The following MYO15A variants were observed in gnomAD, a reference collection of about 807,000 sequenced individuals.
MYO15A encodes the protein myosin XVA, also known as unconventional myosin-XV.
A neutral mutation model predicts 394.6 loss-of-function variants in MYO15A; 308 were observed. The observed-to-expected ratio is 0.78, with a 90% CI of 0.71 to 0.86. MYO15A has a LOEUF of 0.86. Ranked by LOEUF, MYO15A falls within the 40% of genes least tolerant of loss-of-function variation. MYO15A has a pLI of 0.00. For synonymous variants in MYO15A, 1,957 were observed against 2,003.8 expected (o/e 0.98, Z 0.62); for missense variants, 4,606 against 4,799.1 (o/e 0.96, Z 1.19).
chr17:18,158,935 A>T lies in MYO15A; in HGVS notation c.9094A>T (p.Arg3032Trp). 6.2e-7 allele frequency: 1 copy of T among 1,614,172 alleles called. No homozygotes were observed. The highest frequency in any genetic ancestry group is 1.6e-4 in the Middle Eastern group (1 of 6,062). The stretch of plus-strand genomic sequence containing the variant: ...CACCTCCCACTGCAGGGATGGCCTC[A>T]GGCTGAAATCCAAGGAGCCTCGGGA... ...DPQRRPQDGL[R>W]LKSKEPRESR... Residue 3032 changes from arginine (R) to tryptophan (W), a missense_variant, in exon 53 of 66, where the codon AGG becomes TGG. Physicochemically the swap from Arg to Trp is moderately radical, Grantham distance 101 (BLOSUM62 -3). Coordinates refer to ENST00000647165, the MANE Select transcript of MYO15A (RefSeq NM_016239.4).
In MYO15A at chr17:18,126,367, G is replaced by C. The variant is rs746551992; in HGVS notation, c.3777G>C (p.Leu1259=). The change falls in exon 5 of 66, where the codon CTG becomes CTC. Residue 1259 remains leucine, a synonymous_variant. Transcript: ENST00000647165. ...NLIYTYIGSI[L]VSVNPYQMFG... ...AGCAGACATACATTGGGAGCATCCT[G>C]GTGTCGGTGAACCCATACCAAATGT... The C allele has an allele frequency of 5.0e-6, 8 of 1,613,980 alleles. 1 individual carries two copies. The highest frequency in any genetic ancestry group is 4.4e-5 in the South Asian group (4 of 91,072).
chr17:18,144,550 G>T lies in MYO15A; in HGVS notation c.6231G>T (p.Leu2077=), dbSNP rs918988624. The change falls in exon 29 of 66, where the codon CTG becomes CTT. Residue 2077 remains leucine, a synonymous_variant. Transcript: ENST00000647165. ...CCCTGAGGACACCCCTCACGCAGCT[G>T]CCAGCCGAGCACCATGCAGAAGCCG... is the stretch of plus-strand genomic sequence containing the variant. ...TVPLRTPLTQ[L]PAEHHAEAVS... is the part of the protein sequence containing the mutation. The T allele has an allele frequency of 1.1e-5, 18 of 1,613,014 alleles. No homozygotes were observed. The highest frequency in any genetic ancestry group is 1.5e-5 in the Non-Finnish European group (18 of 1,180,012).
intron 60 of MYO15A, among the ~76,000 whole-genome samples, chr17:18,165,408 C>T (rs2046839246): frequency 6.6e-6 from 1 of 152,224 alleles, no homozygotes; most frequent in African/African-American, 2.4e-5. Context: ...AGGCTGCCCG[C>T]ATTCCTTGGC....
In MYO15A at chr17:18,157,211, A is replaced by C; in HGVS notation, c.8769A>C (p.Arg2923=). Residue 2923 remains arginine (R), a synonymous_variant, in exon 50 of 66, where the codon CGA becomes CGC. Coordinates refer to ENST00000647165, the MANE Select transcript of MYO15A (RefSeq NM_016239.4). ...RRKVVYLEEL[R]RRGPDFGWRF... ...AGGTGGTGTACCTGGAGGAGCTGCG[A>C]CGTAGAGGCCCCGACTTTGGTGTGT... is the stretch of plus-strand genomic sequence containing the variant. The C allele has an allele frequency of 6.2e-7, 1 of 1,608,308 alleles. No individual in the cohort carries two copies. Among genetic ancestry groups the C allele is most frequent in the Non-Finnish European group, 8.5e-7 (1 of 1,177,366 alleles).
At chr17:18,130,773 CTCT>C in intron 7 of MYO15A, 29 bp from the exon 8 acceptor site, 1 of 1,612,528 alleles carries the variant, frequency 6.2e-7, no homozygotes, top group East Asian at 2.2e-5. Flanking sequence ...TCTTGTCTGT[CTCT>C]TTGTCCTCCC....
chr17:18,133,237 G>C lies in MYO15A; in HGVS notation c.4333G>C (p.Glu1445Gln), dbSNP rs2046199905. 1 of 1,614,016 alleles carries C rather than the reference G, an allele frequency of 6.2e-7. No homozygotes were observed. Among genetic ancestry groups the C allele is most frequent in the South Asian group, 1.1e-5 (1 of 91,078 alleles). ...YYYLNQGGNCEIAGKSDADDF... is the reference protein window; with the variant it reads ...YYYLNQGGNCQIAGKSDADDF... ...TGCCCTCATGCAGGGTGGGAACTGT[G>C]AGATAGCAGGAAAGAGCGATGCAGA... The change falls in exon 12 of 66, where the codon GAG becomes CAG. Residue 1445 changes from glutamate to glutamine, a missense_variant. Glu to Gln is a conservative substitution (Grantham distance 29). Around this residue, in one of 2 missense-constraint regions of MYO15A, gnomAD observed 2,776 missense variants for 3,109.3 expected, o/e 0.89. Transcript: ENST00000647165.
At chr17:18,136,792 G>A (rs2142320416) in intron 15 of MYO15A, 106 bp downstream of exon 15, 4 of 1,461,088 alleles carry the variant, frequency 2.7e-6, no homozygotes, top group East Asian at 2.5e-5. Context: ...TGCAGCAGGT[G>A]CCATCCTCCC....
chr17:18,150,753 GGCCGTGCT>G lies in MYO15A; in HGVS notation c.7386_7393del (p.Val2463GlyfsTer102). The G allele has an allele frequency of 6.9e-6, 11 of 1,585,582 alleles. No homozygotes were observed. Among genetic ancestry groups the G allele is most frequent in the Non-Finnish European group, 9.4e-6 (11 of 1,164,708 alleles). On this transcript the variant is annotated frameshift_variant, in exon 37 of 66. Transcript: ENST00000647165. LOFTEE classifies it high-confidence loss of function. The surrounding 1 kb of genome is among the most constrained non-coding windows in gnomAD (Gnocchi z 4.4). Reference sequence around the variant, plus strand: ...TGCAGCAAGCCTTCATCCACAAACAGGCCGTGCTGCTGGTGAGTGAGGGAGGGACTGCT... The same window carrying G: ...TGCAGCAAGCCTTCATCCACAAACAGGCTGGTGAGTGAGGGAGGGACTGCT...
chr17:18,121,329 AC>A lies in MYO15A; in HGVS notation c.2532del (p.Arg845GlyfsTer18). ...CACCCGGCTCGCCGCTGCCGGGCTC[AC>A]CCAGGCCGCCCTCGCCGCCCCTGGG... The part of the protein sequence containing the change: ...GPPGSPLPGS[P>X]RPPSPPLGLC... On this transcript the variant is annotated frameshift_variant, in exon 2 of 66. Coordinates refer to ENST00000647165, the MANE Select transcript of MYO15A (RefSeq NM_016239.4). LOFTEE classifies it high-confidence loss of function. The surrounding 1 kb of genome is among the most constrained non-coding windows in gnomAD (Gnocchi z 5.3). The A allele has an allele frequency of 4.4e-6, 6 of 1,378,192 alleles. No individual in the cohort carries two copies. The highest frequency in any genetic ancestry group is 5.6e-6 in the Non-Finnish European group (6 of 1,072,008). The allele number at this position is 1,378,192 out of a possible 1,614,324, so 85.4% of individuals were successfully genotyped here.
rs758141893 is a variant in MYO15A, at chr17:18,158,432, C to T, written c.8968-91C>T. The stretch of plus-strand genomic sequence containing the variant: ...GGTGGGCGGCTTGAGAATCTGGGTC[C>T]AGTCAGCTAGGGGTTGCGTTGTCAG... On this transcript the variant is annotated intron_variant, in intron 51 of 65. Coordinates refer to ENST00000647165, the MANE Select transcript of MYO15A (RefSeq NM_016239.4). 388 of 1,147,042 alleles carry T rather than the reference C, an allele frequency of 3.4e-4. 1 individual carries two copies. Among genetic ancestry groups the T allele is most frequent in the Admixed American group, 1.6e-3 (88 of 53,406 alleles). 71.1% of individuals were successfully genotyped at this position (1,147,042 alleles called of 1,614,324 possible).
chr17:18,153,687 A>AAACC lies in MYO15A; in HGVS notation c.7967-85_7967-84insCAAC. 1 of 1,264,952 alleles carries AAACC rather than the reference A, an allele frequency of 7.9e-7. No individual in the cohort carries two copies. The highest frequency in any genetic ancestry group is 1.6e-5 in the African/African-American group (1 of 62,742). 78.4% of individuals were successfully genotyped at this position (1,264,952 alleles called of 1,614,324 possible). A position where few individuals can be genotyped will look rare whatever the true frequency, so the allele number is the denominator to read the frequency against. ...CACTCTAGCCTGGGGGACAACAGCG[A>AAACC]AACTCCGTCTCAAAAATATATATAT... On this transcript the variant is annotated intron_variant, in intron 42 of 65. Transcript: ENST00000647165. This position sits in a 1 kb window ranked among gnomAD's most constrained non-coding sequence, Gnocchi z 4.1.
In MYO15A at chr17:18,141,217, C is replaced by T. The variant is rs2046373563; in HGVS notation, c.5531+74C>T. 15 of 1,601,894 alleles carry T rather than the reference C, an allele frequency of 9.4e-6. 1 individual carries two copies. In the East Asian group the frequency reaches 2.9e-4, roughly 31 times the overall value. ...CCCCATGGCCCCAGGAATACACAAC[C>T]CAGGCAGTACAGGGCTTGCCATGCA... On this transcript the variant is annotated intron_variant, in intron 22 of 65. Coordinates refer to ENST00000647165, the MANE Select transcript of MYO15A (RefSeq NM_016239.4).
chr17:18,176,918 G>C (rs1458656247), intron 65 of MYO15A: 2 of 152,258 alleles, frequency 1.3e-5, no homozygotes, highest in African/African-American at 2.4e-5. Flanking sequence ...AGCTCCAAGA[G>C]AGCAGGACCG....
chr17:18,121,364 A>G lies in MYO15A; in HGVS notation c.2564A>G (p.His855Arg). The change falls in exon 2 of 66, where the codon CAC (histidine) becomes CGC (arginine). Residue 855 changes from histidine (H) to arginine (R), a missense_variant. Physicochemically the swap from His to Arg is conservative, Grantham distance 29. Coordinates refer to ENST00000647165, the MANE Select transcript of MYO15A (RefSeq NM_016239.4). The surrounding 1 kb of genome is among the most constrained non-coding windows in gnomAD (Gnocchi z 5.3). ...RPPSPPLGLCHSPRRSSLNLP... is the reference protein window; with the variant it reads ...RPPSPPLGLCRSPRRSSLNLP... ...CCCTCGCCGCCCCTGGGGCTCTGCC[A>G]CAGCCCGCGGCGCAGCTCCCTGAAT... 1.3e-6 allele frequency: 2 copies of G among 1,484,866 alleles called. No homozygotes were observed. The highest frequency in any genetic ancestry group is 1.8e-6 in the Non-Finnish European group (2 of 1,123,846). The allele number at this position is 1,484,866 out of a possible 1,614,324, so 92.0% of individuals were successfully genotyped here.
chr17:18,141,141 C>T lies in MYO15A; in HGVS notation c.5529C>T (p.Asp1843=), dbSNP rs1000885373. 1 of 1,613,636 alleles carries T rather than the reference C, an allele frequency of 6.2e-7. No homozygotes were observed. ...GCCTGCCTTTCCAGGGGTTCATCGACAGGTATCTTGGTTACGGTAGTTCCT... is the reference window on the plus strand; with the variant it reads ...GCCTGCCTTTCCAGGGGTTCATCGATAGGTATCTTGGTTACGGTAGTTCCT... ...PVRLPFQGFI[D]RYCCLVALKH... is the part of the protein sequence containing the mutation. Residue 1843 remains aspartate (D), a splice_region_variant and synonymous_variant, in exon 22 of 66, where the codon GAC becomes GAT. Coordinates refer to ENST00000647165, the MANE Select transcript of MYO15A (RefSeq NM_016239.4).
At position 18,162,681 on chromosome 17, in the gene MYO15A, T is replaced by TGA; in HGVS notation, c.9612+4_9612+5dup. The stretch of plus-strand genomic sequence containing the variant: ...AGCATAGAGCTTCGGGCCATGTTGG[T>TGA]GAGCATAGGGTGGGAGTGGGTTCAA... On this transcript the variant is annotated splice_region_variant and intron_variant, in intron 58 of 65. Coordinates refer to ENST00000647165, the MANE Select transcript of MYO15A (RefSeq NM_016239.4). 6.2e-7 allele frequency: 1 copy of TGA among 1,613,704 alleles called. No individual in the cohort carries two copies. Among genetic ancestry groups the TGA allele is most frequent in the Non-Finnish European group, 8.5e-7 (1 of 1,179,796 alleles).
chr17:18,178,702 A>G (rs748566037), intron 65 of MYO15A, 67 bp from the exon 66 acceptor site: 2 of 1,484,058 alleles, frequency 1.3e-6, no homozygotes, highest in East Asian at 2.3e-5. Flanking sequence ...TCCATTCTGT[A>G]CTTCCCACCC....
intron 35 of MYO15A, 141 bp downstream of exon 35, chr17:18,149,721 G>A: frequency 2.3e-6 from 2 of 861,148 alleles, no homozygotes; most frequent in Non-Finnish European, 3.8e-6. Flanking sequence ...GTCTGCTGGA[G>A]GCTGGACAAA....
intron 62 of MYO15A, among the ~76,000 whole-genome samples, chr17:18,171,340 C>T (rs895711709): frequency 1.3e-5 from 2 of 152,180 alleles, no homozygotes; most frequent in Non-Finnish European, 2.9e-5. Context: ...CCCCCACCAA[C>T]CCATGCCGCT....
Sources: gnomAD v4.1 joint callset for allele counts (sites outside exome capture counted in the v4.1 genomes callset) on GRCh38, gnomAD v4.1.1 for gene constraint, gnomAD v4.1.1 regional missense constraint, Gnocchi (gnomAD v3.1) non-coding constraint, MANE v1.5 for transcripts, NCBI Gene and HGNC (gene_info 2026-07-23, HGNC 2026-07-21) for gene names.